The following CSNK1G1 variants were observed in gnomAD, a reference collection of about 807,000 sequenced individuals.
The protein encoded by CSNK1G1 is casein kinase I isoform gamma-1.
CSNK1G1 carries 22 observed loss-of-function variants against 59.6 expected under a neutral mutation model. The observed-to-expected ratio is 0.37, with a 90% CI of 0.26 to 0.53. The LOEUF (loss-of-function observed/expected upper bound fraction) is 0.53. Ranked by LOEUF, CSNK1G1 falls within the 20% of genes least tolerant of loss-of-function variation. CSNK1G1 has a pLI of 0.89. For synonymous variants in CSNK1G1, 179 were observed against 177.1 expected (o/e 1.01, Z -0.08); for missense variants, 384 against 519.5 (o/e 0.74, Z 2.54).
At chr15:64,311,065 AT>A (rs1172836180) in intron 1 of CSNK1G1, among the ~76,000 whole-genome samples, 3 of 150,106 alleles carry the variant, frequency 2.0e-5, no homozygotes, top group South Asian at 2.1e-4. Context: ...TTTATTTATT[AT>A]TTTTTTTAAG....
chr15:64,190,352 A>T (rs2081954162), intron 10 of CSNK1G1, among the ~76,000 whole-genome samples: 1 of 152,234 alleles, frequency 6.6e-6, no homozygotes. Flanking sequence ...TATTTCTGCC[A>T]AAAGAGGTTC....
At position 64,250,841 on chromosome 15, in the gene CSNK1G1, A is replaced by T. The variant is rs144983097; in HGVS notation, c.292+671T>A. Among the ~76,000 whole-genome samples, 1,049 of 152,342 alleles carry T rather than the reference A, an allele frequency of 6.9e-3. 15 individuals are homozygous for T. Among genetic ancestry groups the T allele is most frequent in the African/African-American group, 0.024 (1,005 of 41,590 alleles). On this transcript the variant is annotated intron_variant, in intron 4 of 11. Transcript: ENST00000303052. Reference sequence around the variant, plus strand: ...AGTGAAGGGGGCATAAAGCAGAGGAAATTCTACTAATGTCAAATAGTGAAA... The same window carrying T: ...AGTGAAGGGGGCATAAAGCAGAGGATATTCTACTAATGTCAAATAGTGAAA...
chr15:64,178,314 C>A (rs2081765525), intron 11 of CSNK1G1, among the ~76,000 whole-genome samples: 1 of 152,046 alleles, frequency 6.6e-6, no homozygotes, highest in South Asian at 2.1e-4. Flanking sequence ...GCATAACCAG[C>A]ATAACCCTCA....
At chr15:64,215,204 CTTTTTTTTTTTTTT>C (rs11343127) in intron 5 of CSNK1G1, among the ~76,000 whole-genome samples, 4 of 81,728 alleles carry the variant, frequency 4.9e-5, no homozygotes, top group East Asian at 9.5e-4. Flanking sequence ...TTTCTACTAA[CTTTTTTTTTTTTTT>C]TTTTTTTTTT....
chr15:64,347,510 G>T (rs1477517841), intron 1 of CSNK1G1, among the ~76,000 whole-genome samples: 1 of 151,480 alleles, frequency 6.6e-6, no homozygotes, highest in Non-Finnish European at 1.5e-5. Flanking sequence ...AAGCTACTCG[G>T]GAGGCTGAAG....
At chr15:64,179,716 C>G (rs958358374) in intron 11 of CSNK1G1, among the ~76,000 whole-genome samples, 1 of 152,170 alleles carries the variant, frequency 6.6e-6, no homozygotes, top group Non-Finnish European at 1.5e-5. Flanking sequence ...GACCATGCAG[C>G]GCACCAAGGG....
At chr15:64,295,648 G>A (rs148468699) in intron 2 of CSNK1G1, among the ~76,000 whole-genome samples, 256 of 152,270 alleles carry the variant, frequency 1.7e-3, no homozygotes, top group Admixed American at 4.1e-3. Context: ...TATCTTGGGA[G>A]AGAGAAATGG....
At chr15:64,218,781 T>A (rs962519211) in intron 4 of CSNK1G1, among the ~76,000 whole-genome samples, 1 of 152,058 alleles carries the variant, frequency 6.6e-6, no homozygotes, top group Non-Finnish European at 1.5e-5. Flanking sequence ...TCAATAAATA[T>A]CTGTTCAATT....
intron 1 of CSNK1G1, among the ~76,000 whole-genome samples, chr15:64,338,216 C>A (rs564062587): frequency 2.0e-4 from 30 of 152,260 alleles, no homozygotes; most frequent in South Asian, 1.4e-3. Context: ...TATATTCCCA[C>A]CAGCAATAAA....
At chr15:64,174,074 C>T (rs902301936) in intron 11 of CSNK1G1, among the ~76,000 whole-genome samples, 8 of 152,184 alleles carry the variant, frequency 5.3e-5, no homozygotes, top group African/African-American at 1.9e-4. Context: ...ACTTTTAAGT[C>T]AACTTCTATT....
intron 1 of CSNK1G1, among the ~76,000 whole-genome samples, chr15:64,332,372 T>A (rs1016756577): frequency 3.2e-4 from 45 of 140,270 alleles, no homozygotes; most frequent in African/African-American, 1.2e-3. Context: ...ATGTCCTTTG[T>A]AGGGACATGG....
chr15:64,253,218 T>A (rs576927161), intron 3 of CSNK1G1, among the ~76,000 whole-genome samples: 4 of 152,094 alleles, frequency 2.6e-5, no homozygotes, highest in Middle Eastern at 3.4e-3. Context: ...GGAGGCACGC[T>A]CCTGTAGTCC....
intron 2 of CSNK1G1, among the ~76,000 whole-genome samples, chr15:64,283,013 G>T (rs1254989605): frequency 6.6e-6 from 1 of 152,172 alleles, no homozygotes; most frequent in Non-Finnish European, 1.5e-5. Flanking sequence ...TTGGGCAGAA[G>T]GGTGGGAGGG....
At chr15:64,217,077 G>A (rs981369061) in intron 4 of CSNK1G1, among the ~76,000 whole-genome samples, 1 of 152,226 alleles carries the variant, frequency 6.6e-6, no homozygotes, top group Non-Finnish European at 1.5e-5. Context: ...GAGCTCAAAG[G>A]CCAGGCTAAC....
At chr15:64,206,049 G>A (rs938212136) in intron 7 of CSNK1G1, among the ~76,000 whole-genome samples, 2 of 152,198 alleles carry the variant, frequency 1.3e-5, no homozygotes, top group Non-Finnish European at 1.5e-5. Flanking sequence ...GCTCATGCCT[G>A]TAATCCTAGC....
At chr15:64,353,735 G>A (rs958380682) in intron 1 of CSNK1G1, among the ~76,000 whole-genome samples, 4 of 151,854 alleles carry the variant, frequency 2.6e-5, no homozygotes, top group Non-Finnish European at 2.9e-5. Flanking sequence ...GGAGGGCGAC[G>A]CAGGAGGTTT....
intron 1 of CSNK1G1, among the ~76,000 whole-genome samples, chr15:64,333,364 C>T (rs1323227828): frequency 1.7e-5 from 2 of 118,664 alleles, no homozygotes; most frequent in Admixed American, 1.2e-4. Flanking sequence ...CTTTGGGAGG[C>T]TGAGGTGGGA....
chr15:64,286,572 A>G (rs891838475), intron 2 of CSNK1G1, among the ~76,000 whole-genome samples: 1 of 152,124 alleles, frequency 6.6e-6, no homozygotes, highest in Non-Finnish European at 1.5e-5. Context: ...CTAATTTCTA[A>G]GTATGAATCC....
intron 1 of CSNK1G1, among the ~76,000 whole-genome samples, chr15:64,302,702 G>A (rs1030837312): frequency 1.3e-5 from 2 of 152,108 alleles, no homozygotes; most frequent in Admixed American, 6.5e-5. Flanking sequence ...ATGTCTATAC[G>A]TGAGACTGTC....
Sources: allele counts gnomAD v4.1 joint callset (sites outside exome capture counted in the v4.1 genomes callset), GRCh38; gene constraint gnomAD v4.1.1; transcripts MANE v1.5; gene names NCBI Gene and HGNC (gene_info 2026-07-23, HGNC 2026-07-21).